SLC4A5: variants seen among roughly 807,000 people sequenced by gnomAD.
SLC4A5 encodes the protein electrogenic sodium bicarbonate cotransporter 4.
Under a neutral mutation model 120.4 loss-of-function variants are expected in SLC4A5, and 96 were observed. The observed-to-expected ratio is 0.80, with a 90% CI of 0.68 to 0.94. The LOEUF (loss-of-function observed/expected upper bound fraction) is 0.94, where lower values mean the gene tolerates loss of function less well. Among genes scored for constraint, SLC4A5 ranks in the 40% least tolerant of loss-of-function variants. The probability of loss-of-function intolerance (pLI) is 0.00; values close to 1 mark genes in which losing one functional copy is unlikely to be tolerated. For synonymous variants in SLC4A5, 550 were observed against 571.1 expected (o/e 0.96, Z 0.53); for missense variants, 1,259 against 1,459.5 (o/e 0.86, Z 2.24).
exon 31 of SLC4A5, chr2:74,216,296 T>G (rs1694442821): frequency 6.6e-6 from 1 of 152,234 alleles, no homozygotes; most frequent in Non-Finnish European, 1.5e-5. Flanking sequence ...AAAAAATGAC[T>G]GACTTACTGC....
chr2:74,253,024 G>A, exon 15 of SLC4A5: 1 of 1,614,132 alleles, frequency 6.2e-7, no homozygotes, highest in Non-Finnish European at 8.5e-7. Flanking sequence ...GGATATTTGG[G>A]TCCCATTCTC....
intron 18 of SLC4A5, 146 bp from the exon 19 acceptor site, chr2:74,247,453 A>G (rs2103973481): frequency 1.2e-6 from 1 of 800,898 alleles, no homozygotes; most frequent in East Asian, 2.7e-5. Flanking sequence ...GACAGGGACA[A>G]TTCTTGGGCA....
At chr2:74,223,008 T>A in intron 28 of SLC4A5, 56 bp from the exon 29 acceptor site, 2 of 242,020 alleles carry the variant, frequency 8.3e-6, no homozygotes, top group South Asian at 1.2e-4. Context: ...TTTGGCTTTC[T>A]TTTTTTTTTT....
At chr2:74,232,446 C>T (rs754439645) in intron 24 of SLC4A5, 23 bp downstream of exon 24, 1 of 1,610,594 alleles carries the variant, frequency 6.2e-7, no homozygotes, top group Admixed American at 1.7e-5. Context: ...ATTGGGTGAT[C>T]CCTAGGCCCT....
intron 18 of SLC4A5, 105 bp downstream of exon 18, chr2:74,248,248 A>C (rs1573024053): frequency 4.7e-5 from 67 of 1,434,754 alleles, no homozygotes; most frequent in Non-Finnish European, 5.7e-5. Flanking sequence ...TGGCTTTGGC[A>C]CCACCGCACC....
At chr2:74,290,662 G>C in intron 7 of SLC4A5, 4 of 979,682 alleles carry the variant, frequency 4.1e-6, no homozygotes, top group Non-Finnish European at 4.8e-6. Context: ...GTGAGCAAGA[G>C]AGAGAGAGAA....
intron 9 of SLC4A5, 31 bp downstream of exon 9, chr2:74,265,073 G>T: frequency 6.3e-7 from 1 of 1,599,280 alleles, no homozygotes; most frequent in Non-Finnish European, 8.5e-7. Flanking sequence ...AGGGACCACA[G>T]GAGAGATGCA....
intron 4 of SLC4A5, among the ~76,000 whole-genome samples, chr2:74,330,267 T>A (rs1211842173): frequency 1.4e-5 from 2 of 145,290 alleles, no homozygotes; most frequent in East Asian, 4.0e-4. Flanking sequence ...ATGGAGGTGA[T>A]GAGGTCTAGA....
In SLC4A5 at chr2:74,269,876, T is replaced by A. The variant is rs13032684; in HGVS notation, c.402-4612A>T. 2.4e-3 allele frequency among the ~76,000 whole-genome samples: 371 copies of A among 152,306 alleles called. 1 individual carries two copies. Among genetic ancestry groups the A allele is most frequent in the Non-Finnish European group, 2.1e-3 (146 of 68,034 alleles). On this transcript the variant is annotated intron_variant, in intron 8 of 30. Transcript: ENST00000394019. Reference sequence around the variant, plus strand: ...CCACCTGAAGGAGTGATAAGAGCAATGCTTCCTCTTTGAAACATCCTCTAC... The same window carrying A: ...CCACCTGAAGGAGTGATAAGAGCAAAGCTTCCTCTTTGAAACATCCTCTAC...
At chr2:74,223,047 C>G in intron 28 of SLC4A5, 95 bp from the exon 29 acceptor site, 1 of 774,190 alleles carries the variant, frequency 1.3e-6, no homozygotes, top group South Asian at 1.8e-5. Context: ...CTCTACTGCC[C>G]AGGCTGGAGT....
chr2:74,272,859 C>T (rs184619995), intron 8 of SLC4A5, among the ~76,000 whole-genome samples: 154 of 152,298 alleles, frequency 1.0e-3, no homozygotes, highest in Non-Finnish European at 1.9e-3. Flanking sequence ...TTCCAATGCT[C>T]AAACCACAGG....
At chr2:74,239,501 G>A in exon 21 of SLC4A5, 1 of 1,614,028 alleles carries the variant, frequency 6.2e-7, no homozygotes, top group Non-Finnish European at 8.5e-7. Flanking sequence ...GCTCAGCAGG[G>A]ACCAGTCCAA....
chr2:74,219,980 AG>A (rs1040218759), intron 30 of SLC4A5, among the ~76,000 whole-genome samples: 2 of 152,154 alleles, frequency 1.3e-5, no homozygotes, highest in African/African-American at 4.8e-5. Flanking sequence ...CTTATAATTC[AG>A]AAGATCCCCT....
At chr2:74,222,469 G>A (rs1172968998) in intron 29 of SLC4A5, among the ~76,000 whole-genome samples, 3 of 152,160 alleles carry the variant, frequency 2.0e-5, no homozygotes, top group African/African-American at 7.2e-5. Flanking sequence ...CAGCTCCCAG[G>A]CCATGGAACA....
intron 6 of SLC4A5, among the ~76,000 whole-genome samples, chr2:74,312,057 C>G (rs1399293050): frequency 6.6e-6 from 1 of 152,128 alleles, no homozygotes; most frequent in Non-Finnish European, 1.5e-5. Flanking sequence ...ATGCAATGCC[C>G]TCCCTTATCC....
intron 6 of SLC4A5, among the ~76,000 whole-genome samples, chr2:74,305,715 TCTTTC>T (rs1672620827): frequency 6.7e-6 from 1 of 148,828 alleles, no homozygotes; most frequent in Non-Finnish European, 1.5e-5. Context: ...AACTCCCTTT[TCTTTC>T]CTTTTTTTTT....
At chr2:74,288,034 C>T (rs1399722333) in intron 7 of SLC4A5, among the ~76,000 whole-genome samples, 2 of 152,158 alleles carry the variant, frequency 1.3e-5, no homozygotes, top group Non-Finnish European at 2.9e-5. Flanking sequence ...ACGCTAAGGA[C>T]ATTGACAAAG....
chr2:74,312,700 A>C (rs1477934170), intron 6 of SLC4A5, among the ~76,000 whole-genome samples: 3 of 152,114 alleles, frequency 2.0e-5, no homozygotes, highest in Non-Finnish European at 4.4e-5. Flanking sequence ...TGGGAGGCTG[A>C]GGTGAGTGGA....
intron 8 of SLC4A5, among the ~76,000 whole-genome samples, chr2:74,269,376 TTTTTTGTTTG>T (rs1558887242): frequency 7.2e-4 from 92 of 127,232 alleles, no homozygotes; most frequent in African/African-American, 2.9e-3. Flanking sequence ...CGGCTGTTTG[TTTTTTGTTTG>T]TTTGTTTGTT....
Sources: gnomAD v4.1 joint callset for allele counts (sites outside exome capture counted in the v4.1 genomes callset) on GRCh38, gnomAD v4.1.1 for gene constraint, MANE v1.5 for transcripts, NCBI Gene and HGNC (gene_info 2026-07-23, HGNC 2026-07-21) for gene names.